Variants in LRRC4C observed in about 807,000 individuals in gnomAD.
LRRC4C encodes leucine-rich repeat-containing protein 4C.
A neutral mutation model predicts 33.6 loss-of-function variants in LRRC4C; 5 were observed. The observed-to-expected ratio is 0.15, with a 90% CI of 0.08 to 0.31. The LOEUF is 0.31. Ranked by LOEUF, LRRC4C falls within the 10% of genes least tolerant of loss-of-function variation. The probability of loss-of-function intolerance (pLI) is 1.00; values close to 1 mark genes in which losing one functional copy is unlikely to be tolerated. For missense variants in LRRC4C, 560 were observed against 796.7 expected (o/e 0.70, Z 3.58); for synonymous variants, 329 against 302.0 (o/e 1.09, Z -0.93).
chr11:41,240,394 A>C (rs900496344), intron 1 of LRRC4C, among the ~76,000 whole-genome samples: 2 of 152,206 alleles, frequency 1.3e-5, no homozygotes, highest in African/African-American at 2.4e-5. Flanking sequence ...AAAAAGATCA[A>C]TTGAATTAAA....
At chr11:40,181,058 T>TG (rs1277588192) in intron 5 of LRRC4C, among the ~76,000 whole-genome samples, 1 of 152,162 alleles carries the variant, frequency 6.6e-6, no homozygotes, top group Non-Finnish European at 1.5e-5. Flanking sequence ...GAGTAATAGT[T>TG]TAAGATGTTT....
intron 3 of LRRC4C, among the ~76,000 whole-genome samples, chr11:40,602,117 C>A (rs1485548408): frequency 6.6e-6 from 1 of 150,556 alleles, no homozygotes; most frequent in East Asian, 2.0e-4. Flanking sequence ...ATCACTTGAA[C>A]CTGGGAGGCA....
At chr11:40,939,430 C>A (rs1017785543) in intron 1 of LRRC4C, among the ~76,000 whole-genome samples, 1 of 152,044 alleles carries the variant, frequency 6.6e-6, no homozygotes, top group Non-Finnish European at 1.5e-5. Context: ...TTCTTAAATA[C>A]TCATTTTTTC....
chr11:40,526,577 G>A (rs1956060270), intron 3 of LRRC4C, among the ~76,000 whole-genome samples: 1 of 152,070 alleles, frequency 6.6e-6, no homozygotes, highest in South Asian at 2.1e-4. Context: ...CAAATATTGG[G>A]GGTACTGAAA....
intron 3 of LRRC4C, among the ~76,000 whole-genome samples, chr11:40,373,029 T>A (rs551157309): frequency 5.9e-5 from 9 of 152,284 alleles, no homozygotes; most frequent in Non-Finnish European, 1.2e-4. Context: ...CTGGTAATGG[T>A]GAGCTAGTTC....
intron 5 of LRRC4C, among the ~76,000 whole-genome samples, chr11:40,179,179 A>T (rs1295561058): frequency 5.3e-5 from 8 of 151,452 alleles, no homozygotes; most frequent in Non-Finnish European, 1.2e-4. Flanking sequence ...TTTTTTTTAA[A>T]ACTATTCTAG....
At chr11:40,695,654 T>C (rs1945466342) in intron 2 of LRRC4C, among the ~76,000 whole-genome samples, 1 of 151,998 alleles carries the variant, frequency 6.6e-6, no homozygotes, top group Non-Finnish European at 1.5e-5. Context: ...TAGGGGAGAA[T>C]CAATTTCCTT....
At chr11:40,152,085 G>C (rs1301456048) in intron 5 of LRRC4C, among the ~76,000 whole-genome samples, 1 of 152,086 alleles carries the variant, frequency 6.6e-6, no homozygotes, top group Admixed American at 6.5e-5. Flanking sequence ...TGAAGGAAAT[G>C]GACTGCTCCT....
In LRRC4C at chr11:41,168,141, A is replaced by G. The variant is rs143008272; in HGVS notation, c.-495-234418T>C. Among the ~76,000 whole-genome samples the G allele has an allele frequency of 2.6e-3, 400 of 152,172 alleles. 1 individual carries two copies. Among genetic ancestry groups the G allele is most frequent in the Non-Finnish European group, 3.5e-3 (235 of 68,000 alleles). ...CTGCAGGGACAAAGCAGGTAACCCA[A>G]CCTGGATGTTTCTGGTACTGATCAT... On this transcript the variant is annotated intron_variant, in intron 1 of 6. Transcript: ENST00000528697.
At chr11:41,324,011 C>T (rs1291522908) in intron 1 of LRRC4C, among the ~76,000 whole-genome samples, 1 of 152,128 alleles carries the variant, frequency 6.6e-6, no homozygotes, top group Non-Finnish European at 1.5e-5. Flanking sequence ...GTTTTTTAAA[C>T]TGTGATCTGT....
chr11:41,314,662 G>A (rs539537189), intron 1 of LRRC4C, among the ~76,000 whole-genome samples: 11 of 152,172 alleles, frequency 7.2e-5, no homozygotes, highest in South Asian at 2.1e-4. Context: ...GTGCGGGGCC[G>A]TGGGAGGGGT....
intron 2 of LRRC4C, among the ~76,000 whole-genome samples, chr11:40,725,349 T>TA (rs924418768): frequency 8.6e-5 from 13 of 151,486 alleles, no homozygotes; most frequent in African/African-American, 2.7e-4. Flanking sequence ...TACTAAAAAA[T>TA]AAAAAAATAT....
intron 1 of LRRC4C, among the ~76,000 whole-genome samples, chr11:41,331,140 T>A (rs1018503165): frequency 3.9e-5 from 6 of 152,092 alleles, no homozygotes; most frequent in African/African-American, 1.4e-4. Flanking sequence ...GAAGAAAAAA[T>A]AAACAAACAC....
At chr11:40,490,878 C>A (rs1954115310) in intron 3 of LRRC4C, among the ~76,000 whole-genome samples, 4 of 152,066 alleles carry the variant, frequency 2.6e-5, no homozygotes, top group Non-Finnish European at 5.9e-5. Flanking sequence ...TAAAGAGTAT[C>A]ATTTTCTTTC....
intron 1 of LRRC4C, among the ~76,000 whole-genome samples, chr11:41,416,897 C>T (rs1954702677): frequency 6.6e-6 from 1 of 151,962 alleles, no homozygotes; most frequent in African/African-American, 2.4e-5. Context: ...TTTTCCATCT[C>T]TTGTGGCGTG....
intron 1 of LRRC4C, among the ~76,000 whole-genome samples, chr11:41,332,515 T>A (rs1053366858): frequency 6.6e-6 from 1 of 152,110 alleles, no homozygotes; most frequent in Non-Finnish European, 1.5e-5. Flanking sequence ...GAAAGGAAAC[T>A]CCTAAGAGCT....
intron 6 of LRRC4C, among the ~76,000 whole-genome samples, chr11:40,126,875 G>A (rs1347598508): frequency 6.6e-6 from 1 of 151,900 alleles, no homozygotes; most frequent in Non-Finnish European, 1.5e-5. Flanking sequence ...CAGGAGAATA[G>A]CTTGAACCCA....
chr11:40,202,596 C>T (rs1029221583), intron 5 of LRRC4C, among the ~76,000 whole-genome samples: 1 of 152,044 alleles, frequency 6.6e-6, no homozygotes, highest in African/African-American at 2.4e-5. Context: ...CTTAATTTCC[C>T]GAATAGGGGA....
At chr11:40,454,882 T>C (rs1309673519) in intron 3 of LRRC4C, among the ~76,000 whole-genome samples, 11 of 152,178 alleles carry the variant, frequency 7.2e-5, no homozygotes, top group Non-Finnish European at 5.9e-5. Context: ...TCTACTTAGT[T>C]TTTATCAGTA....
Sources: gnomAD v4.1 joint callset for allele counts (sites outside exome capture counted in the v4.1 genomes callset) on GRCh38, gnomAD v4.1.1 for gene constraint, MANE v1.5 for transcripts, NCBI Gene and HGNC (gene_info 2026-07-23, HGNC 2026-07-21) for gene names.